The following TG variants were observed in gnomAD, a reference collection of about 807,000 sequenced individuals.
The protein encoded by TG is thyroglobulin.
Under a neutral mutation model 324.7 loss-of-function variants are expected in TG, and 270 were observed. The observed-to-expected ratio is 0.83, with a 90% confidence interval of 0.75 to 0.92. TG has a LOEUF of 0.92. Among genes scored for constraint, TG ranks in the 40% least tolerant of loss-of-function variants. The pLI, the probability that TG is intolerant of heterozygous loss-of-function variation, is 0.00. For missense variants in TG, 3,591 were observed against 3,456.4 expected (o/e 1.04, Z -0.98); for synonymous variants, 1,401 against 1,327.0 (o/e 1.06, Z -1.21).
chr8:132,888,884 T>C (rs16904775), intron 10 of TG, among the ~76,000 whole-genome samples: 5,368 of 152,292 alleles, frequency 0.035, 217 homozygotes, highest in African/African-American at 0.092. Flanking sequence ...ATGAAGGCTA[T>C]AAAAGTGGAG....
rs1189790891 is a variant in TG, at chr8:132,935,785, C to T, written c.4962C>T (p.Ala1654=). 6.2e-7 allele frequency: 1 copy of T among 1,613,020 alleles called. No homozygotes were observed. The highest frequency in any genetic ancestry group is 8.5e-7 in the Non-Finnish European group (1 of 1,180,022). ...QKRDALGNSK[A]TSFGSLRCQV... ...GAGATGCACTGGGGAACTCAAAGGC[C>T]ACCAGCTTTGGAAGTCTTCGCTGCC... Residue 1654 remains alanine, a synonymous_variant, in exon 25 of 48, where the codon GCC becomes GCT. Transcript: ENST00000220616.
At chr8:132,922,219 T>G (rs1479669995) in intron 21 of TG, among the ~76,000 whole-genome samples, 2 of 152,208 alleles carry the variant, frequency 1.3e-5, no homozygotes, top group Non-Finnish European at 2.9e-5. Flanking sequence ...TGAGAGGTCT[T>G]GAAGGACAAG....
intron 45 of TG, among the ~76,000 whole-genome samples, chr8:133,119,957 A>G (rs1851010126): frequency 6.6e-6 from 1 of 152,222 alleles, no homozygotes; most frequent in Non-Finnish European, 1.5e-5. Flanking sequence ...GCATTGAGGG[A>G]GAGAAGGAAT....
intron 23 of TG, among the ~76,000 whole-genome samples, chr8:132,932,572 G>A (rs2739059): frequency 0.4 from 61,465 of 152,148 alleles, 15,219 homozygotes; most frequent in Admixed American, 0.53. Context: ...ATGTGTAAGT[G>A]TATGCTTTTT....
In TG at chr8:133,002,271, C is replaced by T. The variant is rs1256652372; in HGVS notation, c.6263-9630C>T. On this transcript the variant is annotated intron_variant, in intron 35 of 47. Transcript: ENST00000220616. The stretch of plus-strand genomic sequence containing the variant: ...ACCTCTGCCTGTGGGGTGCATGCAG[C>T]TCTATAGTGATGTGTAATTTTTTGG... The T allele has an allele frequency of 3.0e-6, 3 of 985,280 alleles. No homozygotes were observed. The African/African-American group carries it at 5.2e-5, about 17-fold the overall frequency. 61.0% of individuals were successfully genotyped at this position (985,280 alleles called of 1,614,324 possible). A position where few individuals can be genotyped will look rare whatever the true frequency, so the allele number is the denominator to read the frequency against.
chr8:132,921,370 C>G (rs1821090378), intron 21 of TG, among the ~76,000 whole-genome samples: 1 of 152,158 alleles, frequency 6.6e-6, no homozygotes, highest in Non-Finnish European at 1.5e-5. Flanking sequence ...TGCCATTCTC[C>G]CAAACATCTT....
chr8:132,976,497 C>A (rs1284364680), intron 34 of TG, among the ~76,000 whole-genome samples: 1 of 152,174 alleles, frequency 6.6e-6, no homozygotes, highest in East Asian at 1.9e-4. Context: ...GGTGTGGAAG[C>A]CTGTTGCTGG....
chr8:132,948,608 A>C (rs1825681902), intron 26 of TG, among the ~76,000 whole-genome samples, 168 bp from the exon 27 acceptor site: 1 of 152,214 alleles, frequency 6.6e-6, no homozygotes, highest in African/African-American at 2.4e-5. Context: ...CAGGAATCAC[A>C]GGCAGGATTG....
At chr8:132,903,227 A>G (rs1818178367) in intron 16 of TG, among the ~76,000 whole-genome samples, 1 of 152,252 alleles carries the variant, frequency 6.6e-6, no homozygotes, top group Admixed American at 6.5e-5. Context: ...GGAGCAGTTC[A>G]TTGGCTGAGT....
intron 16 of TG, among the ~76,000 whole-genome samples, chr8:132,902,916 AT>A (rs1281815346): frequency 1.3e-5 from 2 of 152,074 alleles, no homozygotes; most frequent in Admixed American, 6.6e-5. Context: ...CCCTTATCCC[AT>A]TTTTGCCTTC....
At chr8:132,901,805 G>A (rs1817969229) in intron 16 of TG, among the ~76,000 whole-genome samples, 1 of 152,172 alleles carries the variant, frequency 6.6e-6, no homozygotes, top group Non-Finnish European at 1.5e-5. Flanking sequence ...AGAAGCTTGG[G>A]GGCTGTCCTG....
intron 41 of TG, chr8:133,075,144 T>C: frequency 1.0e-6 from 1 of 985,018 alleles, no homozygotes; most frequent in Non-Finnish European, 1.2e-6. Context: ...GGAAGATAGA[T>C]GGGTTATTAA....
intron 22 of TG, among the ~76,000 whole-genome samples, chr8:132,926,391 T>G (rs1285351107): frequency 6.6e-6 from 1 of 152,240 alleles, no homozygotes; most frequent in East Asian, 1.9e-4. Flanking sequence ...GCAATGCCCC[T>G]TAAATCTCTT....
chr8:133,097,782 G>A (rs553272485), intron 43 of TG, among the ~76,000 whole-genome samples: 1 of 152,186 alleles, frequency 6.6e-6, no homozygotes, highest in African/African-American at 2.4e-5. Context: ...ATACACACAT[G>A]CATAATGTGT....
At chr8:132,983,313 G>T (rs202030771) in intron 34 of TG, 37 bp from the exon 35 acceptor site, 1 of 1,605,300 alleles carries the variant, frequency 6.2e-7, no homozygotes, top group Non-Finnish European at 8.5e-7. Flanking sequence ...TACCATGGGG[G>T]TAGAAAAGAA....
chr8:133,047,972 G>A (rs757226993), intron 41 of TG: 68 of 1,317,574 alleles, frequency 5.2e-5, no homozygotes, highest in Non-Finnish European at 6.6e-5. Flanking sequence ...TCCGGAACAA[G>A]CCCTCCCCCA....
At chr8:133,080,320 T>C (rs550053372) in intron 41 of TG, among the ~76,000 whole-genome samples, 1 of 152,314 alleles carries the variant, frequency 6.6e-6, no homozygotes, top group African/African-American at 2.4e-5. Flanking sequence ...TCTATGTATC[T>C]AGACTTCACC....
At chr8:133,015,957 C>A (rs1383614626) in intron 37 of TG, among the ~76,000 whole-genome samples, 1 of 152,102 alleles carries the variant, frequency 6.6e-6, no homozygotes, top group Non-Finnish European at 1.5e-5. Flanking sequence ...CTGTGTCCCC[C>A]CACCCCTGCC....
intron 41 of TG, among the ~76,000 whole-genome samples, chr8:133,042,727 T>G (rs79777246): frequency 0.025 from 3,435 of 137,194 alleles, 156 homozygotes; most frequent in African/African-American, 0.089. Context: ...GGAGTCTTGC[T>G]CTGCCACACA....
Sources: allele counts gnomAD v4.1 joint callset (sites outside exome capture counted in the v4.1 genomes callset), GRCh38; gene constraint gnomAD v4.1.1; transcripts MANE v1.5; gene names NCBI Gene and HGNC (gene_info 2026-07-23, HGNC 2026-07-21).